Variants in NOP58 observed in about 807,000 individuals in gnomAD.
NOP58 encodes NOP58 ribonucleoprotein.
A neutral mutation model predicts 71.2 loss-of-function variants in NOP58; 44 were observed. That is an observed-to-expected ratio of 0.62 (90% CI 0.49 to 0.79). The LOEUF (loss-of-function observed/expected upper bound fraction) is 0.79, where lower values mean the gene tolerates loss of function less well. NOP58 is among the 30% of genes least tolerant of loss of function. The probability of loss-of-function intolerance (pLI) is 0.00; values close to 1 mark genes in which losing one functional copy is unlikely to be tolerated. For synonymous variants in NOP58, 228 were observed against 200.3 expected, an observed-to-expected ratio of 1.14 and a Z score of -1.17; for missense variants, 538 against 620.2, an observed-to-expected ratio of 0.87 and a Z score of 1.41.
In NOP58 at chr2:202,300,344, A is replaced by G. The variant is rs780800129; in HGVS notation, c.1379A>G (p.Lys460Arg). ...GATGAAATTACTGAAAAGAAAGCCAAAAAAGCCAAGATTAAAGTTAAAGGT... is the reference window on the plus strand; with the variant it reads ...GATGAAATTACTGAAAAGAAAGCCAGAAAAGCCAAGATTAAAGTTAAAGGT... ...KEDEITEKKAKKAKIKVKVEE... is the reference protein window; with the variant it reads ...KEDEITEKKARKAKIKVKVEE... The change falls in exon 13 of 15, where the codon AAA becomes AGA. Residue 460 changes from lysine (K) to arginine (R), a missense_variant. Coordinates refer to ENST00000264279, the MANE Select transcript of NOP58 (RefSeq NM_015934.5). 1.1e-5 allele frequency: 18 copies of G among 1,593,022 alleles called. No individual in the cohort carries two copies. In the South Asian group the frequency reaches 1.6e-4, roughly 14 times the overall value.
intron 1 of NOP58, among the ~76,000 whole-genome samples, chr2:202,271,664 C>T (rs1345315441): frequency 6.6e-6 from 1 of 152,114 alleles, no homozygotes; most frequent in African/African-American, 2.4e-5. Context: ...CCAGCTGGAT[C>T]AGGCGCCATG....
chr2:202,278,365 T>G, intron 3 of NOP58: 3 of 460,426 alleles, frequency 6.5e-6, no homozygotes, highest in South Asian at 4.8e-5. Context: ...CTCCTCATTT[T>G]AATCCAAGGG....
At position 202,302,904 on chromosome 2, in the gene NOP58, A is replaced by G; in HGVS notation, c.1403-17A>G. ...TACAGTGTTAATTTGTTGTGCCTTT[A>G]CACTTACCCTATTCAGTTGAAGAAG... On this transcript the variant is annotated splice_polypyrimidine_tract_variant and intron_variant, in intron 13 of 14. Transcript: ENST00000264279. 6.3e-7 allele frequency: 1 copy of G among 1,597,460 alleles called. No homozygotes were observed. The highest frequency in any genetic ancestry group is 8.5e-7 in the Non-Finnish European group (1 of 1,178,530).
At chr2:202,291,806 C>CAA (rs1161178890) in intron 8 of NOP58, among the ~76,000 whole-genome samples, 6,377 of 40,860 alleles carry the variant, frequency 0.16, 788 homozygotes, top group Admixed American at 0.18. Context: ...AACTCCATCT[C>CAA]AAAAAAAAAA....
At chr2:202,303,325 A>C in intron 14 of NOP58, 61 bp from the exon 15 acceptor site, 1 of 1,593,056 alleles carries the variant, frequency 6.3e-7, no homozygotes. Context: ...TATATTTTCA[A>C]TGTGATTACT....
At chr2:202,273,223 C>CA (rs1559259450) in intron 1 of NOP58, among the ~76,000 whole-genome samples, 1 of 152,194 alleles carries the variant, frequency 6.6e-6, no homozygotes, top group African/African-American at 2.4e-5. Flanking sequence ...TTCATGAGCA[C>CA]ACAAAGGTCT....
Position 202,265,926 on chromosome 2 carries a change from C to G in NOP58, c.-16C>G. Reference sequence around the variant, plus strand: ...AGCTTCTGGCAGGCCGTGCGGCGCCCTGACCCGGCCTCACCATGTTGGTGC... The same window carrying G: ...AGCTTCTGGCAGGCCGTGCGGCGCCGTGACCCGGCCTCACCATGTTGGTGC... On this transcript the variant is annotated 5_prime_UTR_variant, in exon 1 of 15. Transcript: ENST00000264279. 6.2e-7 allele frequency: 1 copy of G among 1,614,178 alleles called. No homozygotes were observed. Among genetic ancestry groups the G allele is most frequent in the Non-Finnish European group, 8.5e-7 (1 of 1,180,014 alleles).
chr2:202,288,571 A>T (rs1688831131), intron 6 of NOP58, among the ~76,000 whole-genome samples: 4 of 151,922 alleles, frequency 2.6e-5, no homozygotes, highest in Admixed American at 2.6e-4. Context: ...TAATCCCAAC[A>T]CTTTGGGAGG....
rs144497793 is a variant in NOP58, at chr2:202,285,495, G to A, written c.434+1014G>A. Among the ~76,000 whole-genome samples, 14 of 151,578 alleles carry A rather than the reference G, an allele frequency of 9.2e-5. No individual in the cohort carries two copies. In the East Asian group the frequency reaches 1.7e-3, roughly 19 times the overall value. On this transcript the variant is annotated intron_variant, in intron 5 of 14. Transcript: ENST00000264279. ...CAAGTAGCTGGGACTGCAAGTGTGC[G>A]CCACCATCCCTGGCTGATTTTTTAA...
intron 13 of NOP58, among the ~76,000 whole-genome samples, chr2:202,301,695 T>G (rs142185540): frequency 6.6e-6 from 1 of 152,268 alleles, no homozygotes; most frequent in Non-Finnish European, 1.5e-5. Flanking sequence ...ATCCATCCAC[T>G]TATCCCATCT....
rs201294363 is a variant in NOP58, at chr2:202,290,440, A to G, written c.617A>G (p.Lys206Arg). 2.1e-5 allele frequency: 34 copies of G among 1,609,508 alleles called. No individual in the cohort carries two copies. In the East Asian group the frequency reaches 7.6e-4, roughly 36 times the overall value. ...KIISDNLTYC[K>R]CLQKVGDRKN... ...ATTTCAGATAATTTAACATACTGCAAGTGTTTACAGAAAGTTGGTGAGTAA... is the reference window on the plus strand; with the variant it reads ...ATTTCAGATAATTTAACATACTGCAGGTGTTTACAGAAAGTTGGTGAGTAA... The change falls in exon 7 of 15, where the codon AAG (lysine) becomes AGG (arginine). Residue 206 changes from lysine to arginine, a missense_variant. Physicochemically the swap from Lys to Arg is conservative, Grantham distance 26. Coordinates refer to ENST00000264279, the MANE Select transcript of NOP58 (RefSeq NM_015934.5).
chr2:202,276,828 G>A lies in NOP58; in HGVS notation c.123-1122G>A, dbSNP rs569477093. Among the ~76,000 whole-genome samples the A allele has an allele frequency of 2.0e-5, 3 of 151,794 alleles. 1 individual carries two copies. The South Asian group carries it at 6.3e-4, about 32-fold the overall frequency. ...ATTCCAGCCTGGGTGACAGAGTGAA[G>A]TGAGACCCTGTCTCAAAAACATAAA... On this transcript the variant is annotated intron_variant, in intron 2 of 14. Transcript: ENST00000264279.
At chr2:202,269,860 GC>G (rs1688488387) in intron 1 of NOP58, among the ~76,000 whole-genome samples, 3 of 152,240 alleles carry the variant, frequency 2.0e-5, no homozygotes, top group Non-Finnish European at 4.4e-5. Context: ...CCATGTGGTA[GC>G]CATTAGTACG....
At chr2:202,274,289 G>A (rs536395189) in intron 1 of NOP58, among the ~76,000 whole-genome samples, 3 of 151,728 alleles carry the variant, frequency 2.0e-5, no homozygotes, top group Admixed American at 6.6e-5. Context: ...GTGCAGTCGC[G>A]CAATCTCGGC....
chr2:202,269,336 C>G (rs1304584381), intron 1 of NOP58, among the ~76,000 whole-genome samples: 3 of 70,380 alleles, frequency 4.3e-5, no homozygotes, highest in Non-Finnish European at 8.0e-5. Flanking sequence ...CATGCCTGGC[C>G]TAAATTTTTT....
At position 202,302,963 on chromosome 2, in the gene NOP58, C is replaced by T. The variant is rs201609699; in HGVS notation, c.1445C>T (p.Thr482Ile). The change falls in exon 14 of 15, where the codon ACA becomes ATA. Residue 482 changes from threonine to isoleucine, a missense_variant. Coordinates refer to ENST00000264279, the MANE Select transcript of NOP58 (RefSeq NM_015934.5). ...GAAAAAGTGGCAGAAGAAGAAGAAA[C>T]ATCTGTGAAGAAGAAGAAGAAAAGG... ...EEEKVAEEEE[T>I]SVKKKKKRGK... The T allele has an allele frequency of 6.2e-7, 1 of 1,608,310 alleles. No homozygotes were observed. The highest frequency in any genetic ancestry group is 8.5e-7 in the Non-Finnish European group (1 of 1,178,066).
At chr2:202,280,313 C>T (rs1346557328) in intron 3 of NOP58, among the ~76,000 whole-genome samples, 1 of 152,050 alleles carries the variant, frequency 6.6e-6, no homozygotes, top group African/African-American at 2.4e-5. Context: ...TAGCAAGACC[C>T]CCTCTCAAAA....
rs1267157317 is a variant in NOP58 at position 202,284,370 on chromosome 2, A to G, written c.323A>G (p.His108Arg). ...GAAAAGCTGAATCTCAGTTGTATCC[A>G]TAGTCCTGTTGTTAATGAACTTATG... ...IKEKLNLSCI[H>R]SPVVNELMRG... Residue 108 changes from histidine to arginine, a missense_variant, in exon 5 of 15, where the codon CAT (histidine) becomes CGT (arginine). His to Arg is a conservative substitution (Grantham distance 29). Transcript: ENST00000264279. 1 of 1,612,750 alleles carries G rather than the reference A, an allele frequency of 6.2e-7. No individual in the cohort carries two copies. The highest frequency in any genetic ancestry group is 8.5e-7 in the Non-Finnish European group (1 of 1,178,904).
chr2:202,301,650 C>G (rs1689095379), intron 13 of NOP58, among the ~76,000 whole-genome samples: 1 of 152,180 alleles, frequency 6.6e-6, no homozygotes, highest in Non-Finnish European at 1.5e-5. Flanking sequence ...TTTGTTCCAG[C>G]CATACTGGCC....
Sources: allele counts gnomAD v4.1 joint callset (sites outside exome capture counted in the v4.1 genomes callset), GRCh38; gene constraint gnomAD v4.1.1; transcripts MANE v1.5; gene names NCBI Gene and HGNC (gene_info 2026-07-23, HGNC 2026-07-21).